The following MYO15A variants were observed in gnomAD, a reference collection of about 807,000 sequenced individuals.
The protein encoded by MYO15A is myosin XVA.
In MYO15A, 308 loss-of-function variants were observed where a neutral mutation model predicts 394.6. The ratio of observed to expected loss-of-function variants is 0.78; its 90% CI spans 0.71 to 0.86. MYO15A has a LOEUF of 0.86. Among genes scored for constraint, MYO15A ranks in the 40% least tolerant of loss-of-function variants. The pLI, the probability that MYO15A is intolerant of heterozygous loss-of-function variation, is 0.00. For missense variants in MYO15A, 4,606 were observed against 4,799.1 expected (o/e 0.96, Z 1.19); for synonymous variants, 1,957 against 2,003.8 (o/e 0.98, Z 0.62).
rs1483800014 is a variant in MYO15A at position 18,119,545 on chromosome 17, C to T, written c.745C>T (p.Gln249Ter). The T allele has an allele frequency of 6.2e-7, 1 of 1,608,558 alleles. No individual in the cohort carries two copies. The highest frequency in any genetic ancestry group is 8.5e-7 in the Non-Finnish European group (1 of 1,179,954). Residue 249 changes from glutamine (Q) to a stop codon, truncating the protein, a stop_gained, in exon 2 of 66, where the codon CAG (glutamine) becomes TAG (stop). Transcript: ENST00000647165. LOFTEE classifies it high-confidence loss of function. ...CGACGGCGACGACTACTACGACCGG[C>T]AGTCACTCCACCGCTACGAGGAGCA... ...HRDGDDYYDRQSLHRYEEQEP... is the reference protein window; with the variant it reads ...HRDGDDYYDR
At chr17:18,177,078 A>ACCT (rs1388727136) in intron 65 of MYO15A, 1 of 151,978 alleles carries the variant, frequency 6.6e-6, no homozygotes, top group African/African-American at 2.4e-5. Context: ...GCACCACCTG[A>ACCT]CCTCCTTATG....
chr17:18,119,824 T>C lies in MYO15A; in HGVS notation c.1024T>C (p.Tyr342His), dbSNP rs1347711107. Residue 342 changes from tyrosine (Y) to histidine (H), a missense_variant, in exon 2 of 66, where the codon TAC (tyrosine) becomes CAC (histidine). Transcript: ENST00000647165. ...YEGEAHPYGY[Y>H]LDPYAPYDAP... ...GGGCGAGGCGCACCCTTATGGCTAC[T>C]ACCTGGATCCCTATGCGCCGTACGA... is the stretch of plus-strand genomic sequence containing the variant. 5.0e-6 allele frequency: 8 copies of C among 1,613,068 alleles called. No homozygotes were observed. The highest frequency in any genetic ancestry group is 6.8e-6 in the Non-Finnish European group (8 of 1,179,998).
Position 18,151,236 on chromosome 17 carries a change from A to G in MYO15A, c.7600A>G (p.Ile2534Val). ...APLAKAPRLPIKPVAAPVLAQ... is the reference protein window; with the variant it reads ...APLAKAPRLPVKPVAAPVLAQ... ...TCTGGCCAAGGCTCCAAGGCTCCCC[A>G]TCAAGCCTGTGGCTGCCCCTGTTCT... Residue 2534 changes from isoleucine to valine, a missense_variant, in exon 39 of 66, where the codon ATC (isoleucine) becomes GTC (valine). Ile to Val is a conservative substitution (Grantham distance 29). Coordinates refer to ENST00000647165, the MANE Select transcript of MYO15A (RefSeq NM_016239.4). The G allele has an allele frequency of 6.2e-7, 1 of 1,614,100 alleles. No homozygotes were observed. The highest frequency in any genetic ancestry group is 8.5e-7 in the Non-Finnish European group (1 of 1,180,004).
chr17:18,118,130 C>T (rs1389405232), intron 1 of MYO15A, among the ~76,000 whole-genome samples: 2 of 152,120 alleles, frequency 1.3e-5, no homozygotes, highest in Admixed American at 6.5e-5. Flanking sequence ...CCTTCTGAGC[C>T]GGCAGCCTGG....
chr17:18,170,719 A>T (rs905172907), intron 62 of MYO15A, among the ~76,000 whole-genome samples: 1 of 152,192 alleles, frequency 6.6e-6, no homozygotes, highest in Non-Finnish European at 1.5e-5. Flanking sequence ...AGCAGGAAGC[A>T]CATAAAGATA....
chr17:18,135,624 A>C, intron 12 of MYO15A, 87 bp from the exon 13 acceptor site: 1 of 1,308,782 alleles, frequency 7.6e-7, no homozygotes, highest in South Asian at 1.3e-5. Flanking sequence ...TACTGGCATG[A>C]GCCACAGTGC....
rs2046042097 is a variant in MYO15A at position 18,126,426 on chromosome 17, A to G, written c.3836A>G (p.Tyr1279Cys). 3 of 1,613,922 alleles carry G rather than the reference A, an allele frequency of 1.9e-6. No individual in the cohort carries two copies. Among genetic ancestry groups the G allele is most frequent in the Admixed American group, 1.7e-5 (1 of 60,022 alleles). ...GIYGPEQVQQ[Y>C]NGRALGENPP... is the part of the protein sequence containing the mutation. ...TATGGGCCGGAGCAGGTGCAGCAGT[A>G]CAACGGACGGGCCCTGGGAGAGAAT... The change falls in exon 5 of 66, where the codon TAC becomes TGC. Residue 1279 changes from tyrosine (Y) to cysteine (C), a missense_variant. Physicochemically the swap from Tyr to Cys is radical, Grantham distance 194 (BLOSUM62 -2). Transcript: ENST00000647165.
chr17:18,124,337 T>G (rs2045992648), intron 2 of MYO15A, 146 bp from the exon 3 acceptor site: 1 of 761,532 alleles, frequency 1.3e-6, no homozygotes, highest in Admixed American at 2.0e-5. Context: ...CACAGCATTC[T>G]GTAATGAGGA....
chr17:18,144,693 A>T (rs533649543), intron 29 of MYO15A, 101 bp downstream of exon 29: 14 of 1,079,686 alleles, frequency 1.3e-5, no homozygotes, highest in Middle Eastern at 2.8e-4. Context: ...AGCCCAACCC[A>T]TGAGCCCCAC....
chr17:18,131,674 G>A, intron 10 of MYO15A, 143 bp downstream of exon 10: 3 of 1,066,506 alleles, frequency 2.8e-6, no homozygotes, highest in Non-Finnish European at 4.2e-6. Context: ...GTGAGCCCAG[G>A]ACCTCCCCTC....
At chr17:18,136,270 G>A (rs898928551) in intron 13 of MYO15A, 147 bp from the exon 14 acceptor site, 2 of 971,162 alleles carry the variant, frequency 2.1e-6, no homozygotes, top group Non-Finnish European at 3.2e-6. Context: ...AGTGGGGGCA[G>A]GGGTGGTCCT....
chr17:18,142,000 A>G, intron 23 of MYO15A, 79 bp from the exon 24 acceptor site: 15 of 1,560,064 alleles, frequency 9.6e-6, no homozygotes, highest in Non-Finnish European at 1.3e-5. Context: ...TTCTGTCTCC[A>G]CGGACTTCTA....
Position 18,118,903 on chromosome 17 carries a change from C to A in MYO15A, c.103C>A (p.Arg35=). The change falls in exon 2 of 66, where the codon CGG becomes AGG. Residue 35 remains arginine, a synonymous_variant. Transcript: ENST00000647165. ...KPKRSLKGTS[R]LFMGFRDRTP... ...CAAACGGAGCCTGAAGGGGACGTCG[C>A]GGCTGTTCATGGGCTTCCGCGACCG... 1 of 1,613,882 alleles carries A rather than the reference C, an allele frequency of 6.2e-7. No homozygotes were observed. The highest frequency in any genetic ancestry group is 8.5e-7 in the Non-Finnish European group (1 of 1,179,986).
chr17:18,174,388 G>A (rs2046984618), intron 65 of MYO15A, among the ~76,000 whole-genome samples: 1 of 152,152 alleles, frequency 6.6e-6, no homozygotes, highest in South Asian at 2.1e-4. Flanking sequence ...TTGGAAGGCT[G>A]AGGCAAGGCA....
At chr17:18,126,571 G>T in intron 5 of MYO15A, 115 bp downstream of exon 5, 1 of 1,124,182 alleles carries the variant, frequency 8.9e-7, no homozygotes, top group Non-Finnish European at 1.3e-6. Flanking sequence ...GGGAAAGGCA[G>T]CCCACCTACT....
chr17:18,171,536 G>T, intron 62 of MYO15A, 102 bp from the exon 63 acceptor site: 1 of 1,547,930 alleles, frequency 6.5e-7, no homozygotes, highest in Non-Finnish European at 8.9e-7. Context: ...GTCTTCCAGG[G>T]AGGTGCATAG....
intron 3 of MYO15A, chr17:18,124,791 C>A (rs1033749907): frequency 5.0e-6 from 3 of 596,674 alleles, no homozygotes; most frequent in Non-Finnish European, 8.9e-6. Context: ...GCACAAATCG[C>A]TTTGTTTCTC....
At chr17:18,163,935 G>C in intron 60 of MYO15A, 97 bp downstream of exon 60, 1 of 1,257,630 alleles carries the variant, frequency 8.0e-7, no homozygotes, top group Non-Finnish European at 1.1e-6. Flanking sequence ...CCCAAGTCAG[G>C]TGCCACTTCC....
At position 18,139,049 on chromosome 17, in the gene MYO15A, C is replaced by T. The variant is rs565738942; in HGVS notation, c.5133+113C>T. On this transcript the variant is annotated intron_variant, in intron 18 of 65. Transcript: ENST00000647165. Reference sequence around the variant, plus strand: ...TTCACAGCCAGGTCCAATTCTGGCTCTGCTGTGCCCCAGCTCTGTGACCTT... The same window carrying T: ...TTCACAGCCAGGTCCAATTCTGGCTTTGCTGTGCCCCAGCTCTGTGACCTT... 37 of 1,453,270 alleles carry T rather than the reference C, an allele frequency of 2.5e-5. No homozygotes were observed. The South Asian group carries it at 4.4e-4, about 17-fold the overall frequency. 90.0% of individuals were successfully genotyped at this position (1,453,270 alleles called of 1,614,324 possible).
Sources: gnomAD v4.1 joint callset for allele counts (sites outside exome capture counted in the v4.1 genomes callset) on GRCh38, gnomAD v4.1.1 for gene constraint, MANE v1.5 for transcripts, NCBI Gene and HGNC (gene_info 2026-07-23, HGNC 2026-07-21) for gene names.